Variants in CGNL1 observed in about 807,000 individuals in gnomAD.
CGNL1 encodes cingulin-like protein 1.
In CGNL1, 132 loss-of-function variants were observed where a neutral mutation model predicts 141.2. The observed-to-expected ratio is 0.93, with a 90% CI of 0.81 to 1.08. CGNL1 has a LOEUF of 1.08. CGNL1 is among the 50% of genes least tolerant of loss of function. The pLI is 0.00. For synonymous variants in CGNL1, 690 were observed against 622.1 expected (o/e 1.11, Z -1.63); for missense variants, 1,870 against 1,588.6 (o/e 1.18, Z -3.01).
At chr15:57,445,738 T>C (rs1293484189) in intron 4 of CGNL1, among the ~76,000 whole-genome samples, 2 of 152,206 alleles carry the variant, frequency 1.3e-5, no homozygotes, top group Non-Finnish European at 2.9e-5. Context: ...TGAGCCAAGA[T>C]GCCGCCGTTT....
intron 8 of CGNL1, among the ~76,000 whole-genome samples, chr15:57,501,276 A>C (rs1263028949): frequency 6.6e-6 from 1 of 152,176 alleles, no homozygotes; most frequent in Non-Finnish European, 1.5e-5. Context: ...CAAGTGACTT[A>C]CCTCTCAGTA....
chr15:57,490,547 T>G (rs779215824), intron 8 of CGNL1, among the ~76,000 whole-genome samples: 4 of 152,138 alleles, frequency 2.6e-5, no homozygotes, highest in Non-Finnish European at 5.9e-5. Flanking sequence ...AAATAAATGC[T>G]CATGGTGTTC....
chr15:57,483,265 C>G (rs1304402877), intron 8 of CGNL1, among the ~76,000 whole-genome samples: 6 of 152,116 alleles, frequency 3.9e-5, no homozygotes, highest in Non-Finnish European at 8.8e-5. Flanking sequence ...TTCAAGCATA[C>G]AAGTCCTGTA....
intron 2 of CGNL1, among the ~76,000 whole-genome samples, chr15:57,439,828 C>G (rs764953782): frequency 2.0e-5 from 3 of 152,148 alleles, no homozygotes; most frequent in Non-Finnish European, 2.9e-5. Context: ...CCATTGTGAT[C>G]TCTCTGTAAA....
At chr15:57,431,417 C>G (rs1185932587) in intron 1 of CGNL1, among the ~76,000 whole-genome samples, 2 of 152,204 alleles carry the variant, frequency 1.3e-5, no homozygotes, top group Non-Finnish European at 2.9e-5. Flanking sequence ...AAACATAAAG[C>G]TCAGTTTAGG....
intron 1 of CGNL1, among the ~76,000 whole-genome samples, chr15:57,395,494 G>C (rs763702187): frequency 6.6e-6 from 1 of 152,226 alleles, no homozygotes; most frequent in Admixed American, 6.5e-5. Context: ...GATGGCTACT[G>C]AATGCCCAGG....
chr15:57,396,475 G>C (rs1159867852), intron 1 of CGNL1, among the ~76,000 whole-genome samples: 2 of 151,868 alleles, frequency 1.3e-5, no homozygotes, highest in African/African-American at 4.8e-5. Flanking sequence ...GTTTCGCCAT[G>C]TTGGCCAGGC....
chr15:57,502,920 C>A (rs1350142234), intron 8 of CGNL1, among the ~76,000 whole-genome samples: 1 of 152,200 alleles, frequency 6.6e-6, no homozygotes, highest in Non-Finnish European at 1.5e-5. Flanking sequence ...GGGACCAAGA[C>A]ACCCACTCCT....
At chr15:57,419,854 T>C (rs1295845040) in intron 1 of CGNL1, among the ~76,000 whole-genome samples, 2 of 152,176 alleles carry the variant, frequency 1.3e-5, no homozygotes, top group Admixed American at 6.5e-5. Context: ...ACATAAGAAG[T>C]GAGGAGTTAT....
At chr15:57,442,995 C>G (rs2063208873) in intron 4 of CGNL1, among the ~76,000 whole-genome samples, 1 of 152,138 alleles carries the variant, frequency 6.6e-6, no homozygotes, top group Non-Finnish European at 1.5e-5. Flanking sequence ...ATGATACAAA[C>G]AGATGGCGAG....
intron 8 of CGNL1, among the ~76,000 whole-genome samples, chr15:57,463,509 TG>T (rs1872447590): frequency 6.6e-6 from 1 of 152,254 alleles, no homozygotes; most frequent in Non-Finnish European, 1.5e-5. Flanking sequence ...TGGCAGAGAA[TG>T]GACAGTTTCC....
intron 1 of CGNL1, among the ~76,000 whole-genome samples, chr15:57,409,432 C>A (rs374930725): frequency 1.3e-5 from 2 of 152,116 alleles, no homozygotes; most frequent in African/African-American, 4.8e-5. Context: ...GAAAAGATGA[C>A]GGTGGCCATG....
chr15:57,467,950 G>A (rs941543326), intron 8 of CGNL1, among the ~76,000 whole-genome samples: 4 of 152,068 alleles, frequency 2.6e-5, no homozygotes, highest in African/African-American at 9.7e-5. Flanking sequence ...TTGGCCTGGC[G>A]AAGTACTGGG....
intron 8 of CGNL1, among the ~76,000 whole-genome samples, chr15:57,482,390 GTTTTTGTT>G (rs1358945761): frequency 6.6e-6 from 1 of 152,082 alleles, no homozygotes; most frequent in East Asian, 1.9e-4. Context: ...TTTCTTCTGT[GTTTTTGTT>G]TTCTAAAGGT....
intron 8 of CGNL1, among the ~76,000 whole-genome samples, chr15:57,466,830 T>C (rs2063516484): frequency 1.3e-5 from 2 of 152,220 alleles, no homozygotes; most frequent in African/African-American, 4.8e-5. Context: ...TTAATGTTAA[T>C]CTTCGAAGGA....
intron 14 of CGNL1, 58 bp downstream of exon 14, chr15:57,531,837 G>A: frequency 3.6e-6 from 4 of 1,111,652 alleles, no homozygotes; most frequent in South Asian, 1.3e-5. Context: ...GGAACATGAG[G>A]GGTTAATCCT....
At position 57,382,742 on chromosome 15, in the gene CGNL1, A is replaced by G. The variant is rs78540868; in HGVS notation, c.-16+6175A>G. ...ATTTATAGTCCACATAGGGAAGAGG[A>G]ACGACTGTGACCAGGACTATCCAGG... On this transcript the variant is annotated intron_variant, in intron 1 of 18. Coordinates refer to ENST00000281282, the MANE Select transcript of CGNL1 (RefSeq NM_032866.5). 3.7e-3 allele frequency among the ~76,000 whole-genome samples: 561 copies of G among 152,214 alleles called. 4 individuals carry two copies. The highest frequency in any genetic ancestry group is 0.017 in the Middle Eastern group (5 of 294).
chr15:57,419,742 T>G (rs1356934066), intron 1 of CGNL1, among the ~76,000 whole-genome samples: 1 of 152,208 alleles, frequency 6.6e-6, no homozygotes, highest in Non-Finnish European at 1.5e-5. Context: ...AGCATGTGCT[T>G]GGCTCAATCA....
rs1396686634 is a variant in CGNL1 at position 57,494,590 on chromosome 15, C to T, written c.2404-22190C>T. 2.7e-4 allele frequency among the ~76,000 whole-genome samples: 41 copies of T among 152,174 alleles called. 1 individual carries two copies. The highest frequency in any genetic ancestry group is 2.2e-3 in the Admixed American group (33 of 15,284). ...GAGGGATGGATTTTGTTTTGGGAAT[C>T]GGCCCAATCCCATGAACTTTCTGTT... is the stretch of plus-strand genomic sequence containing the variant. On this transcript the variant is annotated intron_variant, in intron 8 of 18. Transcript: ENST00000281282.
Sources: allele counts gnomAD v4.1 joint callset (sites outside exome capture counted in the v4.1 genomes callset), GRCh38; gene constraint gnomAD v4.1.1; transcripts MANE v1.5; gene names NCBI Gene and HGNC (gene_info 2026-07-23, HGNC 2026-07-21).